Variants in TRIM62 observed in about 807,000 individuals in gnomAD.
TRIM62 encodes tripartite motif containing 62.
Under a neutral mutation model 44.2 loss-of-function variants are expected in TRIM62, and 39 were observed. The observed-to-expected ratio is 0.88, with a 90% CI of 0.68 to 1.15. TRIM62 has a LOEUF of 1.15. Ranked by LOEUF, TRIM62 falls within the 50% of genes most tolerant of loss-of-function variation. The pLI is 0.00. For synonymous variants in TRIM62, 278 were observed against 292.3 expected (o/e 0.95, Z 0.50); for missense variants, 544 against 665.5 (o/e 0.82, Z 2.01).
At chr1:33,176,538 T>G in intron 1 of TRIM62, 1 of 637,174 alleles carries the variant, frequency 1.6e-6, no homozygotes, top group Non-Finnish European at 2.9e-6. Flanking sequence ...CTCTGGGGGT[T>G]AGGAACCTGA....
chr1:33,161,710 C>T lies in TRIM62; in HGVS notation c.505-1766G>A, dbSNP rs560245923. Among the ~76,000 whole-genome samples, 8 of 152,244 alleles carry T rather than the reference C, an allele frequency of 5.3e-5. No individual in the cohort carries two copies. The highest frequency in any genetic ancestry group is 8.8e-5 in the Non-Finnish European group (6 of 68,000). On this transcript the variant is annotated intron_variant, in intron 2 of 4. Coordinates refer to ENST00000291416, the MANE Select transcript of TRIM62 (RefSeq NM_018207.3). The surrounding 1 kb of genome is among the most constrained non-coding windows in gnomAD (Gnocchi z 4.3). ...TGTTGCTGATGGGGAAGATGGGGTC[C>T]GTCGTCCCTGCACCACCTGGAGCTG... is the stretch of plus-strand genomic sequence containing the variant.
chr1:33,156,876 C>CAT (rs1453718393), intron 4 of TRIM62, among the ~76,000 whole-genome samples: 1 of 152,030 alleles, frequency 6.6e-6, no homozygotes. Context: ...TTTGCTAATC[C>CAT]GCTAGCAAAT....
rs971016799 is a variant in TRIM62 at position 33,152,555 on chromosome 1, G to A, written c.878-4828C>T. Among the ~76,000 whole-genome samples, 157 of 133,158 alleles carry A rather than the reference G, an allele frequency of 1.2e-3. 2 individuals carry two copies. The highest frequency in any genetic ancestry group is 1.3e-3 in the Non-Finnish European group (83 of 63,992). 87.4% of individuals were successfully genotyped at this position (133,158 alleles called of 152,430 possible). On this transcript the variant is annotated intron_variant, in intron 4 of 4. Coordinates refer to ENST00000291416, the MANE Select transcript of TRIM62 (RefSeq NM_018207.3). Reference sequence around the variant, plus strand: ...GCACTCCAGCCTGGGCAACAAGAGTGAAACTCCGTCTCAAAAAGAAAAAAA... The same window carrying A: ...GCACTCCAGCCTGGGCAACAAGAGTAAAACTCCGTCTCAAAAAGAAAAAAA...
intron 4 of TRIM62, among the ~76,000 whole-genome samples, chr1:33,149,792 G>C (rs644284): frequency 1.5e-4 from 23 of 152,272 alleles, no homozygotes; most frequent in African/African-American, 5.3e-4. Context: ...TGATACTGGC[G>C]TGGGGTATTA....
At chr1:33,176,098 C>T (rs1645416822) in intron 1 of TRIM62, among the ~76,000 whole-genome samples, 1 of 152,218 alleles carries the variant, frequency 6.6e-6, no homozygotes, top group Admixed American at 6.5e-5. Flanking sequence ...GCATAGAAAT[C>T]CTGCCCTCTC....
Position 33,165,430 on chromosome 1 carries a change from C to T in TRIM62, c.504+41G>A. The stretch of plus-strand genomic sequence containing the variant: ...GCCCCGCCCCTCGAAGCCCTGCCCT[C>T]ATCTCTGCCGGCCCCACCTCCGCGC... On this transcript the variant is annotated intron_variant, in intron 2 of 4. Coordinates refer to ENST00000291416, the MANE Select transcript of TRIM62 (RefSeq NM_018207.3). This position sits in a 1 kb window ranked among gnomAD's most constrained non-coding sequence, Gnocchi z 4.0. The T allele has an allele frequency of 2.0e-6, 3 of 1,527,352 alleles. No individual in the cohort carries two copies. The highest frequency in any genetic ancestry group is 1.8e-6 in the Non-Finnish European group (2 of 1,130,562). 94.6% of individuals were successfully genotyped at this position (1,527,352 alleles called of 1,614,324 possible). A position where few individuals can be genotyped will look rare whatever the true frequency, so the allele number is the denominator to read the frequency against.
intron 1 of TRIM62, among the ~76,000 whole-genome samples, chr1:33,174,483 T>C (rs934421249): frequency 3.3e-5 from 5 of 152,156 alleles, no homozygotes; most frequent in African/African-American, 1.2e-4. Flanking sequence ...TGTGCCCAGC[T>C]AGGCACAGTT....
intron 4 of TRIM62, among the ~76,000 whole-genome samples, chr1:33,149,473 C>T (rs74441754): frequency 6.7e-6 from 1 of 148,972 alleles, no homozygotes; most frequent in South Asian, 2.1e-4. Flanking sequence ...AAAAAAAATA[C>T]AGACAGGGTC....
chr1:33,170,039 CT>C (rs1645360799), intron 1 of TRIM62, among the ~76,000 whole-genome samples: 1 of 152,164 alleles, frequency 6.6e-6, no homozygotes, highest in Non-Finnish European at 1.5e-5. Context: ...ATCTCCCCTA[CT>C]AGGCCGGGCA....
At chr1:33,155,797 C>T (rs1209127417) in intron 4 of TRIM62, among the ~76,000 whole-genome samples, 1 of 152,202 alleles carries the variant, frequency 6.6e-6, no homozygotes, top group Non-Finnish European at 1.5e-5. Context: ...TGCTGCCAGT[C>T]AGTTTGAATC....
At chr1:33,170,196 G>T (rs1319323898) in intron 1 of TRIM62, among the ~76,000 whole-genome samples, 2 of 152,094 alleles carry the variant, frequency 1.3e-5, no homozygotes, top group Non-Finnish European at 2.9e-5. Flanking sequence ...CAGGCATGGT[G>T]GTGGATGCCT....
chr1:33,156,508 T>A (rs895964837), intron 4 of TRIM62, among the ~76,000 whole-genome samples: 7 of 152,198 alleles, frequency 4.6e-5, no homozygotes, highest in Non-Finnish European at 1.0e-4. Flanking sequence ...CATACCTGGG[T>A]TGCCCTCCTA....
intron 1 of TRIM62, among the ~76,000 whole-genome samples, chr1:33,174,112 C>T (rs1218721105): frequency 6.8e-6 from 1 of 146,532 alleles, no homozygotes. Flanking sequence ...ATATTCTTTT[C>T]CCCCCTTTCT....
chr1:33,148,719 CT>C (rs1216625819), intron 4 of TRIM62, among the ~76,000 whole-genome samples: 1 of 152,120 alleles, frequency 6.6e-6, no homozygotes, highest in Non-Finnish European at 1.5e-5. Context: ...AAAGGTTACA[CT>C]TGAAATTATA....
Position 33,181,499 on chromosome 1 carries a change from CGGAGGCAGCACCGAG to C in TRIM62, c.-82_-68del. Reference sequence around the variant, plus strand: ...GGCGGCTGAGAGAGCGCGGCGCTGTCGGAGGCAGCACCGAGGGCTGGGCGCGGGGACGAGGCCCGC... The same window carrying C: ...GGCGGCTGAGAGAGCGCGGCGCTGTCGGCTGGGCGCGGGGACGAGGCCCGC... On this transcript the variant is annotated 5_prime_UTR_variant, in exon 1 of 5. Transcript: ENST00000291416. The surrounding 1 kb of genome is among the most constrained non-coding windows in gnomAD (Gnocchi z 6.5). The C allele has an allele frequency of 6.7e-7, 1 of 1,499,566 alleles. No homozygotes were observed. Among genetic ancestry groups the C allele is most frequent in the Non-Finnish European group, 8.8e-7 (1 of 1,134,212 alleles). The allele number at this position is 1,499,566 out of a possible 1,614,324, so 92.9% of individuals were successfully genotyped here. A position where few individuals can be genotyped will look rare whatever the true frequency, so the allele number is the denominator to read the frequency against.
intron 4 of TRIM62, among the ~76,000 whole-genome samples, chr1:33,157,591 G>A (rs1645197123): frequency 6.6e-6 from 1 of 152,084 alleles, no homozygotes; most frequent in Non-Finnish European, 1.5e-5. Context: ...TGAGGGCAGG[G>A]ATTTTTGCCT....
chr1:33,175,798 C>T (rs1645414528), intron 1 of TRIM62, among the ~76,000 whole-genome samples: 1 of 152,182 alleles, frequency 6.6e-6, no homozygotes, highest in Non-Finnish European at 1.5e-5. Flanking sequence ...TATAACACAG[C>T]ACCTGGCACA....
At chr1:33,158,987 C>T (rs535034545) in intron 3 of TRIM62, among the ~76,000 whole-genome samples, 2 of 152,140 alleles carry the variant, frequency 1.3e-5, no homozygotes, top group East Asian at 3.9e-4. Flanking sequence ...ACTACAGGTG[C>T]CTGCCACCAC....
At chr1:33,149,638 A>G (rs1468086554) in intron 4 of TRIM62, among the ~76,000 whole-genome samples, 1 of 151,360 alleles carries the variant, frequency 6.6e-6, no homozygotes, top group African/African-American at 2.4e-5. Context: ...AATTTTTCAT[A>G]GAGATGAGGT....
Sources: gnomAD v4.1 joint callset for allele counts (sites outside exome capture counted in the v4.1 genomes callset) on GRCh38, gnomAD v4.1.1 for gene constraint, Gnocchi (gnomAD v3.1) non-coding constraint, MANE v1.5 for transcripts, NCBI Gene and HGNC (gene_info 2026-07-23, HGNC 2026-07-21) for gene names.